Variants in CD247 observed in about 807,000 individuals in gnomAD.
The protein encoded by CD247 is CD247 molecule, also known as T-cell surface glycoprotein CD3 zeta chain.
Under a neutral mutation model 30.0 loss-of-function variants are expected in CD247, and 13 were observed. That is an observed-to-expected ratio of 0.43 (90% confidence interval 0.28 to 0.69). CD247 has a LOEUF of 0.69. Ranked by LOEUF, CD247 falls within the 30% of genes least tolerant of loss-of-function variation. The probability of loss-of-function intolerance (pLI) is 0.16; values close to 1 mark genes in which losing one functional copy is unlikely to be tolerated. For synonymous variants in CD247, 72 were observed against 80.0 expected (o/e 0.90, Z 0.53); for missense variants, 193 against 212.6 (o/e 0.91, Z 0.57).
Position 167,494,825 on chromosome 1 carries a change from C to G in CD247, c.58+23583G>C, listed in dbSNP as rs906287709. Among the ~76,000 whole-genome samples the G allele has an allele frequency of 3.3e-5, 5 of 152,204 alleles. No homozygotes were observed. The stretch of plus-strand genomic sequence containing the variant: ...GACAATTATTACCTCAGATCACATA[C>G]GCCTTGGATTTCAGAGCTGGAAAGA... On this transcript the variant is annotated intron_variant, in intron 1 of 7. Transcript: ENST00000362089. The surrounding 1 kb of genome is among the most constrained non-coding windows in gnomAD (Gnocchi z 7.3).
intron 3 of CD247, 93 bp from the exon 4 acceptor site, chr1:167,438,743 G>T: frequency 2.0e-6 from 2 of 1,001,842 alleles, no homozygotes; most frequent in South Asian, 1.3e-5. Flanking sequence ...CCTCTCTGGG[G>T]TGGCTCATAA....
At chr1:167,491,165 T>A (rs991996879) in intron 1 of CD247, among the ~76,000 whole-genome samples, 1 of 152,058 alleles carries the variant, frequency 6.6e-6, no homozygotes, top group Non-Finnish European at 1.5e-5. Flanking sequence ...AAACAGAAAA[T>A]CACAAGTGTT....
At chr1:167,433,642 A>ATTAATTGTTGATGAACAATTC (rs1485476905) in intron 6 of CD247, among the ~76,000 whole-genome samples, 2 of 151,806 alleles carry the variant, frequency 1.3e-5, no homozygotes, top group African/African-American at 2.4e-5. Flanking sequence ...TTGATGAACA[A>ATTAATTGTTGATGAACAATTC]TTAATTGTTG....
intron 1 of CD247, among the ~76,000 whole-genome samples, chr1:167,448,759 G>A (rs1652208736): frequency 1.3e-5 from 2 of 152,298 alleles, no homozygotes; most frequent in South Asian, 2.1e-4. Flanking sequence ...TACTCAAGAC[G>A]CTGAGGCAAA....
intron 1 of CD247, among the ~76,000 whole-genome samples, chr1:167,476,124 T>TGG (rs1202154229): frequency 6.6e-5 from 10 of 152,210 alleles, no homozygotes. Flanking sequence ...AAAATAGTCC[T>TGG]GGGGTCCCCC....
At chr1:167,489,330 G>A (rs185242514) in intron 1 of CD247, among the ~76,000 whole-genome samples, 287 of 152,242 alleles carry the variant, frequency 1.9e-3, no homozygotes, top group Non-Finnish European at 3.6e-3. Flanking sequence ...ATTTAAATAG[G>A]ATGAAATGTT....
chr1:167,432,019 G>A (rs903786230), intron 7 of CD247, among the ~76,000 whole-genome samples: 1 of 152,200 alleles, frequency 6.6e-6, no homozygotes, highest in African/African-American at 2.4e-5. Flanking sequence ...CTCAAATGCT[G>A]TGCCTTACAG....
At chr1:167,440,525 T>C in intron 2 of CD247, 139 bp downstream of exon 2, 1 of 695,914 alleles carries the variant, frequency 1.4e-6, no homozygotes, top group Non-Finnish European at 2.6e-6. Context: ...AGGCACACAC[T>C]TGGCTGGTCC....
intron 1 of CD247, among the ~76,000 whole-genome samples, chr1:167,444,712 G>C (rs1002325226): frequency 6.6e-6 from 1 of 152,200 alleles, no homozygotes; most frequent in Non-Finnish European, 1.5e-5. Context: ...GCATGTGAGA[G>C]GGAAGCCCTG....
chr1:167,465,056 T>C (rs1482701766), intron 1 of CD247, among the ~76,000 whole-genome samples: 1 of 152,226 alleles, frequency 6.6e-6, no homozygotes, highest in African/African-American at 2.4e-5. Flanking sequence ...TTGCTTTTTC[T>C]CTTCTCCCTC....
At chr1:167,502,629 C>T (rs1654960782) in intron 1 of CD247, among the ~76,000 whole-genome samples, 1 of 152,174 alleles carries the variant, frequency 6.6e-6, no homozygotes, top group Admixed American at 6.5e-5. Flanking sequence ...TGAATGTCAC[C>T]TTATTTGGAA....
intron 1 of CD247, among the ~76,000 whole-genome samples, chr1:167,501,195 C>G (rs1372732082): frequency 6.6e-6 from 1 of 151,844 alleles, no homozygotes; most frequent in African/African-American, 2.4e-5. Context: ...GCTGGGATTA[C>G]AGGCATGCCA....
intron 1 of CD247, among the ~76,000 whole-genome samples, chr1:167,490,198 C>T (rs527979490): frequency 2.2e-4 from 33 of 152,358 alleles, no homozygotes; most frequent in African/African-American, 7.9e-4. Context: ...CCTGGCCTCA[C>T]ATTTCCAAAA....
At chr1:167,488,713 A>G (rs751283650) in intron 1 of CD247, among the ~76,000 whole-genome samples, 2 of 152,234 alleles carry the variant, frequency 1.3e-5, no homozygotes, top group African/African-American at 2.4e-5. Context: ...GTTTTTGTCA[A>G]GCAGGGAATC....
intron 1 of CD247, among the ~76,000 whole-genome samples, chr1:167,513,558 T>C (rs1407183420): frequency 6.6e-6 from 1 of 152,198 alleles, no homozygotes; most frequent in Admixed American, 6.5e-5. Flanking sequence ...TCTTGCTTTT[T>C]TTTCTTTCTA....
At chr1:167,453,467 T>G (rs1364022384) in intron 1 of CD247, among the ~76,000 whole-genome samples, 1 of 152,238 alleles carries the variant, frequency 6.6e-6, no homozygotes, top group African/African-American at 2.4e-5. Context: ...AAACCCCTTA[T>G]GTCAAAATTC....
At chr1:167,446,866 G>T (rs58358832) in intron 1 of CD247, among the ~76,000 whole-genome samples, 1 of 152,194 alleles carries the variant, frequency 6.6e-6, no homozygotes, top group African/African-American at 2.4e-5. Context: ...GTGGTGGCAG[G>T]CACCTGTGGT....
At chr1:167,490,351 G>A (rs1017653674) in intron 1 of CD247, among the ~76,000 whole-genome samples, 4 of 152,144 alleles carry the variant, frequency 2.6e-5, no homozygotes, top group Non-Finnish European at 5.9e-5. Context: ...GAGGCCGGGC[G>A]CGGTGGCTCA....
intron 1 of CD247, among the ~76,000 whole-genome samples, chr1:167,479,632 T>C (rs1025446846): frequency 2.0e-5 from 3 of 152,214 alleles, no homozygotes; most frequent in Non-Finnish European, 4.4e-5. Flanking sequence ...TAGGGCCTCA[T>C]ATTCTGGTCA....
Sources: allele counts gnomAD v4.1 joint callset (sites outside exome capture counted in the v4.1 genomes callset), GRCh38; gene constraint gnomAD v4.1.1; non-coding constraint Gnocchi (gnomAD v3.1); transcripts MANE v1.5; gene names NCBI Gene and HGNC (gene_info 2026-07-23, HGNC 2026-07-21).